Variants in RRM2 observed in about 807,000 individuals in gnomAD.
RRM2 encodes ribonucleoside-diphosphate reductase subunit M2.
In RRM2, 6 loss-of-function variants were observed where a neutral mutation model predicts 45.9. The observed-to-expected ratio is 0.13, with a 90% CI of 0.07 to 0.26. The LOEUF is 0.26. RRM2 is among the 10% of genes least tolerant of loss of function. The probability of loss-of-function intolerance (pLI) is 1.00; values close to 1 mark genes in which losing one functional copy is unlikely to be tolerated. For synonymous variants in RRM2, 177 were observed against 173.0 expected, an observed-to-expected ratio of 1.02 and a Z score of -0.18; for missense variants, 343 against 489.5, an observed-to-expected ratio of 0.70 and a Z score of 2.82.
At chr2:10,194,596 C>A (rs550267568) in intron 3 of RRM2, among the ~76,000 whole-genome samples, 1 of 152,388 alleles carries the variant, frequency 6.6e-6, no homozygotes, top group South Asian at 2.1e-4. Flanking sequence ...CCCCAACCAC[C>A]GGTGGGCCCC....
intron 3 of RRM2, among the ~76,000 whole-genome samples, chr2:10,194,151 G>T (rs1207558923): frequency 6.6e-6 from 1 of 152,210 alleles, no homozygotes; most frequent in Non-Finnish European, 1.5e-5. Flanking sequence ...GATTTTACTT[G>T]GTATTAGAAC....
Position 10,122,914 on chromosome 2 carries a change from G to A in RRM2, c.99+17G>A, listed in dbSNP as rs768526797. 4.7e-5 allele frequency: 73 copies of A among 1,562,812 alleles called. No homozygotes were observed. The highest frequency in any genetic ancestry group is 2.0e-4 in the African/African-American group (15 of 74,180). ...GAGAACACGGTGAGCCCGCGGGGAG[G>A]GCGCTGCGGGCAGGGGAGGGAGGCA... On this transcript the variant is annotated intron_variant, in intron 1 of 9. Coordinates refer to ENST00000304567, the MANE Select transcript of RRM2 (RefSeq NM_001034.4).
At chr2:10,201,939 CG>C (rs1268328047) in intron 3 of RRM2, among the ~76,000 whole-genome samples, 2 of 152,046 alleles carry the variant, frequency 1.3e-5, no homozygotes, top group African/African-American at 4.8e-5. Context: ...AATGTTAAAC[CG>C]AATTAATAAA....
At chr2:10,123,120 G>A in intron 2 of RRM2, 63 bp downstream of exon 2, 1 of 1,492,798 alleles carries the variant, frequency 6.7e-7, no homozygotes, top group South Asian at 1.2e-5. Flanking sequence ...CGCCAAAGCC[G>A]CATTGTTTCC....
chr2:10,181,182 A>T (rs745661393), intron 3 of RRM2, among the ~76,000 whole-genome samples: 3 of 152,218 alleles, frequency 2.0e-5, no homozygotes, highest in Non-Finnish European at 4.4e-5. Context: ...TTTAATTCTC[A>T]TAATAGCCAG....
At chr2:10,203,714 G>A (rs1181780614) in intron 3 of RRM2, among the ~76,000 whole-genome samples, 5 of 152,226 alleles carry the variant, frequency 3.3e-5, no homozygotes, top group South Asian at 2.1e-4. Flanking sequence ...TTGTGCCATC[G>A]CACTCCAGCC....
rs896445400 is a variant in RRM2 at position 10,185,548 on chromosome 2, C to T, written n.483-24763C>T. ...CAGCCTTTTCCCCACCCATTCACTC[C>T]TCTCCCAAATCCGGATGGTTTTAAG... On this transcript the variant is annotated intron_variant and non_coding_transcript_variant, in intron 3 of 3. Coordinates refer to the RRM2 transcript ENST00000381786. This position sits in a 1 kb window ranked among gnomAD's most constrained non-coding sequence, Gnocchi z 4.3. 1.3e-5 allele frequency among the ~76,000 whole-genome samples: 2 copies of T among 152,178 alleles called. No homozygotes were observed. Among genetic ancestry groups the T allele is most frequent in the African/African-American group, 4.8e-5 (2 of 41,442 alleles).
At chr2:10,174,457 A>C (rs752423045) in intron 3 of RRM2, among the ~76,000 whole-genome samples, 6 of 152,084 alleles carry the variant, frequency 3.9e-5, no homozygotes, top group South Asian at 2.1e-4. Flanking sequence ...GTCCCCCGCC[A>C]AAGCAGGCCC....
At chr2:10,170,854 A>T (rs544332786) in intron 3 of RRM2, among the ~76,000 whole-genome samples, 1 of 152,330 alleles carries the variant, frequency 6.6e-6, no homozygotes, top group South Asian at 2.1e-4. Flanking sequence ...TGAACGCCTG[A>T]TTAGGAATCA....
chr2:10,167,734 C>G (rs980343261), intron 3 of RRM2, among the ~76,000 whole-genome samples: 1 of 152,128 alleles, frequency 6.6e-6, no homozygotes, highest in Non-Finnish European at 1.5e-5. Context: ...GGTTCCCACC[C>G]AGAACTCTTC....
chr2:10,197,207 G>A (rs976972532), intron 3 of RRM2, among the ~76,000 whole-genome samples: 2 of 152,232 alleles, frequency 1.3e-5, no homozygotes, highest in Non-Finnish European at 2.9e-5. Flanking sequence ...CCCTGCCTCC[G>A]AGGGCTGGTG....
At chr2:10,162,924 C>T (rs1051589711) in intron 3 of RRM2, among the ~76,000 whole-genome samples, 2 of 152,210 alleles carry the variant, frequency 1.3e-5, no homozygotes, top group African/African-American at 4.8e-5. Flanking sequence ...CTGCAGGTCC[C>T]AGGAGGAGCC....
intron 3 of RRM2, among the ~76,000 whole-genome samples, chr2:10,177,283 A>T (rs981448135): frequency 5.0e-5 from 1 of 19,866 alleles, no homozygotes; most frequent in Non-Finnish European, 1.5e-4. Context: ...AAATAGAATA[A>T]AAAAAAATAT....
intron 3 of RRM2, among the ~76,000 whole-genome samples, chr2:10,157,025 T>TC (rs1663443078): frequency 7.3e-6 from 1 of 137,478 alleles, no homozygotes; most frequent in Non-Finnish European, 1.6e-5. Flanking sequence ...TCTTTTTTTT[T>TC]TTTTTTTTTT....
At chr2:10,187,033 G>A (rs570456592) in intron 3 of RRM2, among the ~76,000 whole-genome samples, 234 of 152,332 alleles carry the variant, frequency 1.5e-3, no homozygotes, top group African/African-American at 5.4e-3. Context: ...CGGTGCCCCC[G>A]AGGCCCACGT....
Position 10,195,816 on chromosome 2 carries a change from C to T in RRM2, n.483-14495C>T, listed in dbSNP as rs905062889. Among the ~76,000 whole-genome samples, 1 of 152,018 alleles carries T rather than the reference C, an allele frequency of 6.6e-6. No individual in the cohort carries two copies. Among genetic ancestry groups the T allele is most frequent in the African/African-American group, 2.4e-5 (1 of 41,378 alleles). ...CAGGTAAGTAGTGACCTGGCCTGGC[C>T]GATGCTGTGTTAGGATAAACGTGCT... On this transcript the variant is annotated intron_variant and non_coding_transcript_variant, in intron 3 of 3. Transcript: ENST00000381786. The surrounding 1 kb of genome is among the most constrained non-coding windows in gnomAD (Gnocchi z 4.9).
chr2:10,190,560 GTGGTGATGATGGTGA>G (rs1664278672), intron 3 of RRM2, among the ~76,000 whole-genome samples: 1 of 150,916 alleles, frequency 6.6e-6, no homozygotes, highest in African/African-American at 2.4e-5. Context: ...GAGGATGGTG[GTGGTGATGATGGTGA>G]TGATCATGGT....
chr2:10,181,694 G>A (rs1290032204), intron 3 of RRM2, among the ~76,000 whole-genome samples: 1 of 150,180 alleles, frequency 6.7e-6, no homozygotes, highest in East Asian at 1.9e-4. Context: ...GATTTTCCTG[G>A]TGATGTCCAG....
intron 3 of RRM2, chr2:10,199,290 G>GC (rs1258841951): frequency 8.3e-5 from 9 of 108,904 alleles, no homozygotes; most frequent in African/African-American, 1.3e-4. Flanking sequence ...AAAAAAAAAG[G>GC]GGGGGGGGAA....
Sources: gnomAD v4.1 joint callset for allele counts (sites outside exome capture counted in the v4.1 genomes callset) on GRCh38, gnomAD v4.1.1 for gene constraint, Gnocchi (gnomAD v3.1) non-coding constraint, MANE v1.5 for transcripts, NCBI Gene and HGNC (gene_info 2026-07-23, HGNC 2026-07-21) for gene names.